Variants in NTM observed in about 807,000 individuals in gnomAD.
The protein encoded by NTM is IgLON family member 2.
In NTM, 13 loss-of-function variants were observed where a neutral mutation model predicts 42.1. That is an observed-to-expected ratio of 0.31 (90% CI 0.20 to 0.49). The LOEUF (loss-of-function observed/expected upper bound fraction) is 0.49. Among genes scored for constraint, NTM ranks in the 20% least tolerant of loss-of-function variants. The pLI is 0.99. For synonymous variants in NTM, 187 were observed against 179.2 expected (o/e 1.04, Z -0.35); for missense variants, 373 against 452.8 (o/e 0.82, Z 1.60).
At chr11:132,126,085 T>A (rs1308427112) in intron 2 of NTM, among the ~76,000 whole-genome samples, 1 of 152,040 alleles carries the variant, frequency 6.6e-6, no homozygotes, top group Admixed American at 6.5e-5. Context: ...TGGGAGAGAC[T>A]GAGTGGGCGC....
At chr11:131,947,127 A>T (rs1481805805) in intron 2 of NTM, among the ~76,000 whole-genome samples, 1 of 152,212 alleles carries the variant, frequency 6.6e-6, no homozygotes, top group Non-Finnish European at 1.5e-5. Flanking sequence ...ACTGGTAGTT[A>T]AAAAATGTCT....
intron 7 of NTM, among the ~76,000 whole-genome samples, chr11:132,320,814 C>G (rs7947583): frequency 6.6e-6 from 1 of 151,194 alleles, no homozygotes; most frequent in African/African-American, 2.4e-5. Context: ...TCTCCCAGTA[C>G]GCAGCTGGAG....
intron 1 of NTM, among the ~76,000 whole-genome samples, chr11:131,527,547 C>T (rs1328164249): frequency 7.2e-5 from 11 of 152,178 alleles, no homozygotes; most frequent in African/African-American, 2.4e-4. Context: ...CTCTGTTCTG[C>T]CTTAGTTGGG....
intron 2 of NTM, among the ~76,000 whole-genome samples, chr11:131,965,101 G>T (rs1202391999): frequency 2.0e-5 from 3 of 152,112 alleles, no homozygotes; most frequent in Non-Finnish European, 4.4e-5. Flanking sequence ...GAATAGGGGA[G>T]CATCGCAGAA....
intron 1 of NTM, chr11:131,546,554 C>G (rs1592007624): frequency 2.0e-5 from 3 of 152,236 alleles, no homozygotes; most frequent in Non-Finnish European, 4.4e-5. Context: ...GCTTACCTTC[C>G]TGCACTCCAC....
In NTM at chr11:131,632,552, C is replaced by A. The variant is rs77143733; in HGVS notation, c.82+261664C>A. ...AGCTTTTCTTCCAGATAGGGTTCTT[C>A]CTTTGACATTTGAAAGCAGAGTTTC... On this transcript the variant is annotated intron_variant, in intron 1 of 8. Transcript: ENST00000683400. 6.6e-3 allele frequency among the ~76,000 whole-genome samples: 1,009 copies of A among 152,064 alleles called. 16 individuals carry two copies. Among genetic ancestry groups the A allele is most frequent in the African/African-American group, 0.023 (940 of 41,496 alleles).
chr11:132,154,593 T>C (rs867933626), intron 3 of NTM, among the ~76,000 whole-genome samples: 5 of 152,176 alleles, frequency 3.3e-5, no homozygotes, highest in Admixed American at 6.5e-5. Flanking sequence ...GTGATGATCA[T>C]GGCAGAGAGG....
chr11:131,380,101 G>A (rs796228044), intron 1 of NTM, among the ~76,000 whole-genome samples: 3 of 152,192 alleles, frequency 2.0e-5, no homozygotes, highest in African/African-American at 7.2e-5. Context: ...AAGCACACGA[G>A]CATGCTGTTC....
intron 4 of NTM, among the ~76,000 whole-genome samples, chr11:132,296,935 G>T (rs1337176253): frequency 6.6e-6 from 1 of 152,190 alleles, no homozygotes; most frequent in African/African-American, 2.4e-5. Flanking sequence ...AATAGATTTT[G>T]AGAAATGTTT....
chr11:131,457,365 A>G (rs1432963233), intron 1 of NTM, among the ~76,000 whole-genome samples: 1 of 152,042 alleles, frequency 6.6e-6, no homozygotes, highest in African/African-American at 2.4e-5. Context: ...AGAGGTGAGC[A>G]CAAGCCGAGA....
At chr11:132,317,683 G>C in intron 7 of NTM, 1 of 1,303,614 alleles carries the variant, frequency 7.7e-7, no homozygotes, top group Non-Finnish European at 1.0e-6. Context: ...GCTCAACTTT[G>C]TTGCAAGGTC....
intron 1 of NTM, among the ~76,000 whole-genome samples, chr11:131,401,814 A>ATATATATATATATGTGTG (rs1565465203): frequency 3.7e-5 from 1 of 27,180 alleles, no homozygotes; most frequent in East Asian, 1.2e-3. Flanking sequence ...ATATATATAT[A>ATATATATATATATGTGTG]TATATATATA....
intron 7 of NTM, among the ~76,000 whole-genome samples, chr11:132,319,212 T>A (rs2095504217): frequency 6.6e-6 from 1 of 152,128 alleles, no homozygotes; most frequent in Non-Finnish European, 1.5e-5. Flanking sequence ...GACAGGTGAT[T>A]TCTGCATTTC....
At chr11:132,320,329 C>T (rs760323358) in intron 7 of NTM, among the ~76,000 whole-genome samples, 6 of 152,304 alleles carry the variant, frequency 3.9e-5, no homozygotes, top group South Asian at 2.1e-4. Flanking sequence ...GCACCATGCG[C>T]GAGCCAAAGC....
intron 1 of NTM, among the ~76,000 whole-genome samples, chr11:131,774,610 C>T (rs2086666630): frequency 6.6e-6 from 1 of 152,054 alleles, no homozygotes; most frequent in Non-Finnish European, 1.5e-5. Context: ...AATTTTTCTC[C>T]TTGTTTTAGG....
chr11:131,686,676 G>A (rs754811064), intron 1 of NTM, among the ~76,000 whole-genome samples: 6 of 152,150 alleles, frequency 3.9e-5, no homozygotes, highest in Non-Finnish European at 8.8e-5. Context: ...TTGTTCAAGG[G>A]TCAACCGCAT....
At chr11:132,330,073 T>C (rs2095769044) in intron 7 of NTM, 80 bp from the exon 8 acceptor site, 1 of 1,539,430 alleles carries the variant, frequency 6.5e-7, no homozygotes, top group East Asian at 2.5e-5. Flanking sequence ...GCCAGCTTCT[T>C]CCTGAAATCA....
chr11:131,932,734 C>T (rs1229137102), intron 2 of NTM, among the ~76,000 whole-genome samples: 1 of 152,168 alleles, frequency 6.6e-6, no homozygotes, highest in East Asian at 1.9e-4. Flanking sequence ...GGGATTCGCT[C>T]CCTGCCCACA....
chr11:132,154,643 C>G (rs1011143958), intron 3 of NTM, among the ~76,000 whole-genome samples: 1 of 152,172 alleles, frequency 6.6e-6, no homozygotes, highest in African/African-American at 2.4e-5. Flanking sequence ...CTGCAAGAAG[C>G]AGTCCCCAGC....
Sources: gnomAD v4.1 joint callset for allele counts (sites outside exome capture counted in the v4.1 genomes callset) on GRCh38, gnomAD v4.1.1 for gene constraint, MANE v1.5 for transcripts, NCBI Gene and HGNC (gene_info 2026-07-23, HGNC 2026-07-21) for gene names.